The following FBXO11 variants were observed in gnomAD, a reference collection of about 807,000 sequenced individuals.
FBXO11 encodes F-box protein 11, also known as F-box only protein 11.
In FBXO11, 13 loss-of-function variants were observed where a neutral mutation model predicts 117.0. The observed-to-expected ratio is 0.11, with a 90% CI of 0.07 to 0.18. The LOEUF (loss-of-function observed/expected upper bound fraction) is 0.18. Ranked by LOEUF, FBXO11 falls within the 10% of genes least tolerant of loss-of-function variation. The pLI is 1.00. For synonymous variants in FBXO11, 490 were observed against 380.5 expected, an observed-to-expected ratio of 1.29 and a Z score of -3.35; for missense variants, 767 against 1,164.4, an observed-to-expected ratio of 0.66 and a Z score of 4.97.
At chr2:47,891,317 A>G (rs1050282469) in intron 1 of FBXO11, among the ~76,000 whole-genome samples, 3 of 152,016 alleles carry the variant, frequency 2.0e-5, no homozygotes, top group African/African-American at 7.2e-5. Context: ...GACAACCACG[A>G]TTCCACTCTT....
rs543257756 is a variant in FBXO11, at chr2:47,835,913, A to G, written c.676T>C (p.Tyr226His). 6.2e-7 allele frequency: 1 copy of G among 1,611,202 alleles called. No homozygotes were observed. The highest frequency in any genetic ancestry group is 1.7e-5 in the Admixed American group (1 of 59,868). ...TCTTTCCAGGGATTTGGATGTTCAT[A>G]CTCTTCTGGATTAATCTGGTAGAAT... Reference protein sequence around the residue: ...GKFYQINPEEYEHPNPWKESF... With the variant: ...GKFYQINPEEHEHPNPWKESF... Residue 226 changes from tyrosine (Y) to histidine (H), a missense_variant, in exon 5 of 23, where the codon TAT (tyrosine) becomes CAT (histidine). Tyr to His is a moderately conservative substitution (Grantham distance 83, BLOSUM62 2). Transcript: ENST00000403359.
At chr2:47,846,906 G>T (rs1673460557) in intron 1 of FBXO11, among the ~76,000 whole-genome samples, 1 of 152,096 alleles carries the variant, frequency 6.6e-6, no homozygotes, top group South Asian at 2.1e-4. Flanking sequence ...CCCTTAATTG[G>T]ACAATGCAGA....
At chr2:47,875,517 G>T (rs756264588) in intron 1 of FBXO11, among the ~76,000 whole-genome samples, 3 of 149,188 alleles carry the variant, frequency 2.0e-5, no homozygotes, top group Non-Finnish European at 4.4e-5. Context: ...TTTTAGCACA[G>T]TATAAATAAT....
rs571756604 is a variant in FBXO11 at position 47,821,552 on chromosome 2, G to A, written c.1702+666C>T. On this transcript the variant is annotated intron_variant, in intron 13 of 22. Transcript: ENST00000403359. ...GTGAACCTGGGAGGTGGAGCTTGCA[G>A]TGAGCCGAGATTGCGCCACTGCACT... 2.2e-4 allele frequency among the ~76,000 whole-genome samples: 33 copies of A among 152,014 alleles called. 1 individual carries two copies. Among genetic ancestry groups the A allele is most frequent in the African/African-American group, 8.0e-4 (33 of 41,460 alleles).
chr2:47,833,904 G>C (rs1197530979), intron 7 of FBXO11, among the ~76,000 whole-genome samples: 1 of 151,946 alleles, frequency 6.6e-6, no homozygotes, highest in Non-Finnish European at 1.5e-5. Flanking sequence ...CTGACCTGAA[G>C]CGATCCACCC....
chr2:47,847,421 T>C (rs1054251978), intron 1 of FBXO11, among the ~76,000 whole-genome samples: 4 of 152,062 alleles, frequency 2.6e-5, no homozygotes, highest in African/African-American at 7.2e-5. Context: ...AAAAATATAG[T>C]ATCATGGCTG....
chr2:47,869,667 T>C (rs1572877547), intron 1 of FBXO11, among the ~76,000 whole-genome samples: 2 of 152,192 alleles, frequency 1.3e-5, no homozygotes, highest in Non-Finnish European at 1.5e-5. Flanking sequence ...GTGGTAGTTA[T>C]AAAGAAGTTA....
intron 16 of FBXO11, among the ~76,000 whole-genome samples, chr2:47,817,450 T>G (rs1671084480): frequency 6.6e-6 from 1 of 152,228 alleles, no homozygotes; most frequent in Non-Finnish European, 1.5e-5. Context: ...TTGCTTTGCT[T>G]TATCATTCAT....
intron 11 of FBXO11, among the ~76,000 whole-genome samples, chr2:47,826,670 T>C (rs72809597): frequency 0.087 from 13,170 of 151,932 alleles, 759 homozygotes; most frequent in South Asian, 0.17. Flanking sequence ...ATATGACTTC[T>C]TTGCTGCACA....
At chr2:47,850,882 T>C (rs1673808070) in intron 1 of FBXO11, among the ~76,000 whole-genome samples, 1 of 152,224 alleles carries the variant, frequency 6.6e-6, no homozygotes, top group Non-Finnish European at 1.5e-5. Flanking sequence ...TAAAAATGTT[T>C]TCTTCCATTC....
At position 47,902,085 on chromosome 2, in the gene FBXO11, G is replaced by C. The variant is rs543526298; in HGVS notation, c.232+3404C>G. Among the ~76,000 whole-genome samples, 19 of 152,324 alleles carry C rather than the reference G, an allele frequency of 1.2e-4. No individual in the cohort carries two copies. The South Asian group carries it at 3.9e-3, about 32-fold the overall frequency. ...AGAGTAGCTGGGATTACAGGCGTGA[G>C]CCGCCATGCCTGGCTCATTTTTGTA... On this transcript the variant is annotated intron_variant, in intron 1 of 22. Transcript: ENST00000403359.
In FBXO11 at chr2:47,851,989, A is replaced by ATTTT. The variant is rs1191001581; in HGVS notation, c.233-12224_233-12221dup. The stretch of plus-strand genomic sequence containing the variant: ...TAGTAGTCTCTGTATCAAGCAACCA[A>ATTTT]TTTTTTTTTTTTTTTTTTTTGAGGC... On this transcript the variant is annotated intron_variant, in intron 1 of 22. Coordinates refer to ENST00000403359, the MANE Select transcript of FBXO11 (RefSeq NM_001190274.2). Among the ~76,000 whole-genome samples, 638 of 132,826 alleles carry ATTTT rather than the reference A, an allele frequency of 4.8e-3. 8 individuals are homozygous for ATTTT. Among genetic ancestry groups the ATTTT allele is most frequent in the Non-Finnish European group, 8.2e-3 (513 of 62,336 alleles). 87.1% of individuals were successfully genotyped at this position (132,826 alleles called of 152,430 possible). A position where few individuals can be genotyped will look rare whatever the true frequency, so the allele number is the denominator to read the frequency against.
chr2:47,872,695 T>A (rs1675712229), intron 1 of FBXO11, among the ~76,000 whole-genome samples: 1 of 151,842 alleles, frequency 6.6e-6, no homozygotes, highest in East Asian at 1.9e-4. Flanking sequence ...CACAGTAGAG[T>A]TTTCCAGAGG....
At chr2:47,898,289 T>C (rs1572926161) in intron 1 of FBXO11, among the ~76,000 whole-genome samples, 2 of 152,232 alleles carry the variant, frequency 1.3e-5, no homozygotes, top group Admixed American at 1.3e-4. Context: ...CATTTCTCTA[T>C]TTTCTAAGGA....
chr2:47,832,341 G>A lies in FBXO11; in HGVS notation c.1398+8C>T, dbSNP rs1672261106. 2 of 1,589,056 alleles carry A rather than the reference G, an allele frequency of 1.3e-6. No individual in the cohort carries two copies. Among genetic ancestry groups the A allele is most frequent in the Non-Finnish European group, 1.7e-6 (2 of 1,168,792 alleles). On this transcript the variant is annotated splice_region_variant and intron_variant, in intron 11 of 22. Transcript: ENST00000403359. ...GTCCGTTTTTCTATTAAAAATAAGT[G>A]TTCTTACCATGCCATGATCAAATGT...
At chr2:47,901,646 G>A (rs1296419056) in intron 1 of FBXO11, among the ~76,000 whole-genome samples, 7 of 151,388 alleles carry the variant, frequency 4.6e-5, no homozygotes, top group Non-Finnish European at 1.0e-4. Context: ...TGTCACCCAG[G>A]CTGGAGTGCA....
At chr2:47,827,213 T>C (rs1671820841) in intron 11 of FBXO11, among the ~76,000 whole-genome samples, 3 of 152,226 alleles carry the variant, frequency 2.0e-5, no homozygotes, top group African/African-American at 7.2e-5. Flanking sequence ...CCTTTAGAAA[T>C]GACAAAGATT....
chr2:47,889,736 G>A (rs144120734), intron 1 of FBXO11, among the ~76,000 whole-genome samples: 1 of 151,518 alleles, frequency 6.6e-6, no homozygotes, highest in Non-Finnish European at 1.5e-5. Flanking sequence ...GTAAACTCAA[G>A]TTTTACGAAA....
chr2:47,879,847 G>T (rs1012867660), intron 1 of FBXO11, among the ~76,000 whole-genome samples: 3 of 152,126 alleles, frequency 2.0e-5, no homozygotes, highest in Non-Finnish European at 2.9e-5. Context: ...TATAAGTGGG[G>T]TCATGCAGTA....
Sources: allele counts gnomAD v4.1 joint callset (sites outside exome capture counted in the v4.1 genomes callset), GRCh38; gene constraint gnomAD v4.1.1; transcripts MANE v1.5; gene names NCBI Gene and HGNC (gene_info 2026-07-23, HGNC 2026-07-21).